Variants in KALRN observed in about 807,000 individuals in gnomAD.
The protein encoded by KALRN is kalirin RhoGEF kinase, also known as kalirin.
KALRN carries 70 observed loss-of-function variants against 353.7 expected under a neutral mutation model. The observed-to-expected ratio is 0.20, with a 90% CI of 0.16 to 0.24. The LOEUF (loss-of-function observed/expected upper bound fraction) is 0.24. Among genes scored for constraint, KALRN ranks in the 10% least tolerant of loss-of-function variants. The pLI, the probability that KALRN is intolerant of heterozygous loss-of-function variation, is 1.00. For synonymous variants in KALRN, 1,391 were observed against 1,434.8 expected (o/e 0.97, Z 0.69); for missense variants, 2,791 against 3,756.7 (o/e 0.74, Z 6.72).
chr3:124,149,025 T>C (rs2067734548), intron 1 of KALRN, among the ~76,000 whole-genome samples: 1 of 152,242 alleles, frequency 6.6e-6, no homozygotes, highest in Non-Finnish European at 1.5e-5. Flanking sequence ...ATTTTATCAT[T>C]ATTATTTTAT....
intron 5 of KALRN, among the ~76,000 whole-genome samples, chr3:124,280,251 C>G (rs1580422474): frequency 6.6e-6 from 1 of 152,188 alleles, no homozygotes; most frequent in African/African-American, 2.4e-5. Flanking sequence ...GAAGCCACAG[C>G]TTTGTGAGGC....
Position 124,152,398 on chromosome 3 carries a change from T to C in KALRN, c.74-75592T>C, listed in dbSNP as rs534653540. The C allele has an allele frequency of 2.6e-5, 32 of 1,224,750 alleles. No individual in the cohort carries two copies. In the Admixed American group the frequency reaches 3.2e-4, roughly 12 times the overall value. The allele number at this position is 1,224,750 out of a possible 1,614,324, so 75.9% of individuals were successfully genotyped here. On this transcript the variant is annotated intron_variant, in intron 1 of 59. Coordinates refer to ENST00000682506, the MANE Select transcript of KALRN (RefSeq NM_001388419.1). ...CTTTCGGACCTTTGGGCTCACACTA[T>C]TGATACCTCTGATCCTGATGACAAA...
chr3:124,490,353 G>A (rs1350134769), intron 29 of KALRN, among the ~76,000 whole-genome samples: 1 of 152,240 alleles, frequency 6.6e-6, no homozygotes, highest in African/African-American at 2.4e-5. Context: ...ACAGTAGAAA[G>A]TTGTGGAGGA....
At chr3:124,594,649 G>A (rs2076106034) in intron 34 of KALRN, among the ~76,000 whole-genome samples, 1 of 152,186 alleles carries the variant, frequency 6.6e-6, no homozygotes, top group Admixed American at 6.5e-5. Context: ...AAGAGTCCTG[G>A]GTTAAGAAAT....
intron 5 of KALRN, among the ~76,000 whole-genome samples, chr3:124,283,489 G>A (rs186441990): frequency 8.8e-4 from 134 of 152,156 alleles, no homozygotes; most frequent in African/African-American, 3.0e-3. Context: ...TCAATATCCC[G>A]GGGCTGTCTG....
intron 5 of KALRN, among the ~76,000 whole-genome samples, chr3:124,274,492 T>A (rs1202056077): frequency 6.6e-6 from 1 of 152,232 alleles, no homozygotes; most frequent in East Asian, 1.9e-4. Context: ...GGAGGCCCAT[T>A]TTTTAGCCTT....
chr3:124,604,239 G>A (rs1426268070), intron 34 of KALRN, among the ~76,000 whole-genome samples: 1 of 152,052 alleles, frequency 6.6e-6, no homozygotes, highest in African/African-American at 2.4e-5. Context: ...CCATGCTGAT[G>A]CGCGCACCCA....
chr3:124,586,484 T>G (rs994890088), intron 34 of KALRN, among the ~76,000 whole-genome samples: 1 of 152,144 alleles, frequency 6.6e-6, no homozygotes, highest in African/African-American at 2.4e-5. Flanking sequence ...TGGCCCTTGC[T>G]TTGTTGAGGA....
At chr3:124,321,912 T>C (rs1248645309) in intron 6 of KALRN, among the ~76,000 whole-genome samples, 1 of 152,204 alleles carries the variant, frequency 6.6e-6, no homozygotes, top group Non-Finnish European at 1.5e-5. Context: ...AATAATTTAA[T>C]AACAACAGAC....
chr3:124,121,348 A>G (rs939954579), intron 1 of KALRN, among the ~76,000 whole-genome samples: 1 of 152,228 alleles, frequency 6.6e-6, no homozygotes, highest in African/African-American at 2.4e-5. Flanking sequence ...GAAATATTGA[A>G]TGAATAAATT....
chr3:124,214,176 CACAG>C (rs2077122369), intron 1 of KALRN, among the ~76,000 whole-genome samples: 2 of 152,114 alleles, frequency 1.3e-5, no homozygotes, highest in South Asian at 4.2e-4. Flanking sequence ...CACACACAAA[CACAG>C]ACACTGTATG....
chr3:124,418,398 A>G (rs2092617612), intron 14 of KALRN, among the ~76,000 whole-genome samples: 2 of 152,190 alleles, frequency 1.3e-5, no homozygotes, highest in African/African-American at 2.4e-5. Context: ...TTTAAGGTAC[A>G]ACCAGGGTTG....
At chr3:124,279,120 G>A (rs144449376) in intron 5 of KALRN, among the ~76,000 whole-genome samples, 1 of 152,240 alleles carries the variant, frequency 6.6e-6, no homozygotes, top group East Asian at 1.9e-4. Flanking sequence ...TTAAGGAAGA[G>A]CCCCATGCAC....
chr3:124,632,937 T>C (rs144694705), intron 35 of KALRN, among the ~76,000 whole-genome samples: 37 of 152,366 alleles, frequency 2.4e-4, no homozygotes, highest in African/African-American at 8.4e-4. Context: ...GATTTGGAGA[T>C]AGGACCTGGG....
chr3:124,389,868 A>G (rs943995413), intron 11 of KALRN, among the ~76,000 whole-genome samples: 2 of 152,290 alleles, frequency 1.3e-5, no homozygotes. Context: ...TTCTTCAATG[A>G]TATTTTAAAT....
In KALRN at chr3:124,718,952, A is replaced by G. The variant is rs752956591; in HGVS notation, c.8443A>G (p.Ile2815Val). 4.3e-6 allele frequency: 7 copies of G among 1,614,170 alleles called. No individual in the cohort carries two copies. Among genetic ancestry groups the G allele is most frequent in the Non-Finnish European group, 5.9e-6 (7 of 1,180,020 alleles). ...TGAAAACCTGCTCATTGACCTACGG[A>G]TTCCAGTGCCTCGAGTGAAGCTCAT... Reference protein sequence around the residue: ...KPENLLIDLRIPVPRVKLIDL... With the variant: ...KPENLLIDLRVPVPRVKLIDL... The change falls in exon 60 of 60, where the codon ATT (isoleucine) becomes GTT (valine). Residue 2815 changes from isoleucine (I) to valine (V), a missense_variant. This residue lies in a region of KALRN where 188 missense variants were observed against 402.9 expected (regional missense o/e 0.47). Transcript: ENST00000682506.
At chr3:124,202,273 C>T (rs1227176627) in intron 1 of KALRN, among the ~76,000 whole-genome samples, 1 of 152,108 alleles carries the variant, frequency 6.6e-6, no homozygotes, top group Non-Finnish European at 1.5e-5. Context: ...TTTTTTGAGA[C>T]TGGGTCTCAC....
chr3:124,176,257 C>T (rs959172513), intron 1 of KALRN, among the ~76,000 whole-genome samples: 8 of 152,252 alleles, frequency 5.3e-5, no homozygotes, highest in East Asian at 3.9e-4. Context: ...GAAGATGGAA[C>T]GGGATGACTG....
rs773566645 is a variant in KALRN at position 124,719,107 on chromosome 3, C to T, written c.8598C>T (p.Ile2866=). 5 of 1,614,104 alleles carry T rather than the reference C, an allele frequency of 3.1e-6. No homozygotes were observed. The Admixed American group carries it at 6.7e-5, about 22-fold the overall frequency. ...PVSLGTDIWS[I]GVLTYVMLSG... is the part of the protein sequence containing the mutation. ...CCCTGGGGACAGACATCTGGAGCAT[C>T]GGGGTTCTGACATATGTCATGCTGA... Residue 2866 remains isoleucine, a synonymous_variant, in exon 60 of 60, where the codon ATC becomes ATT. Transcript: ENST00000682506. The surrounding 1 kb of genome is among the most constrained non-coding windows in gnomAD (Gnocchi z 5.3).
Sources: gnomAD v4.1 joint callset for allele counts (sites outside exome capture counted in the v4.1 genomes callset) on GRCh38, gnomAD v4.1.1 for gene constraint, gnomAD v4.1.1 regional missense constraint, Gnocchi (gnomAD v3.1) non-coding constraint, MANE v1.5 for transcripts, NCBI Gene and HGNC (gene_info 2026-07-23, HGNC 2026-07-21) for gene names.